RAB18: variants seen among roughly 807,000 people sequenced by gnomAD.
RAB18 encodes the protein ras-related protein Rab-18.
In RAB18, 10 loss-of-function variants were observed where a neutral mutation model predicts 28.5. That is an observed-to-expected ratio of 0.35 (90% CI 0.22 to 0.60). The LOEUF (loss-of-function observed/expected upper bound fraction) is 0.60, where lower values mean the gene tolerates loss of function less well. RAB18 is among the 20% of genes least tolerant of loss of function. RAB18 has a pLI of 0.78. For missense variants in RAB18, 188 were observed against 244.2 expected, an observed-to-expected ratio of 0.77 and a Z score of 1.53; for synonymous variants, 93 against 86.9, an observed-to-expected ratio of 1.07 and a Z score of -0.39.
At chr10:27,526,795 TG>T in intron 2 of RAB18, 32 bp from the exon 3 acceptor site, 1 of 1,612,028 alleles carries the variant, frequency 6.2e-7, no homozygotes, top group Non-Finnish European at 8.5e-7. Flanking sequence ...TCTGTTTTAC[TG>T]GGAGACTTAT....
At position 27,533,935 on chromosome 10, in the gene RAB18, G is replaced by T; in HGVS notation, c.386G>T (p.Arg129Leu). Reference protein sequence around the residue: ...LVGNKIDKENREVDRNEGLKF... With the variant: ...LVGNKIDKENLEVDRNEGLKF... ...ATTGCATTTATATTTTAGGAAAATC[G>T]TGAAGTCGATAGAAATGAAGGCCTG... The change falls in exon 6 of 7, where the codon CGT (arginine) becomes CTT (leucine). Residue 129 changes from arginine to leucine, a missense_variant. Physicochemically the swap from Arg to Leu is moderately radical, Grantham distance 102. Transcript: ENST00000356940. 6.2e-7 allele frequency: 1 copy of T among 1,610,200 alleles called. No homozygotes were observed. The highest frequency in any genetic ancestry group is 8.5e-7 in the Non-Finnish European group (1 of 1,176,580).
rs148754505 is a variant in RAB18 at position 27,521,644 on chromosome 10, C to T, written c.125-5184C>T. 2.1e-3 allele frequency among the ~76,000 whole-genome samples: 323 copies of T among 152,114 alleles called. 4 individuals are homozygous for T. Among genetic ancestry groups the T allele is most frequent in the Non-Finnish European group, 3.5e-3 (240 of 68,008 alleles). On this transcript the variant is annotated intron_variant, in intron 2 of 6. Coordinates refer to ENST00000356940, the MANE Select transcript of RAB18 (RefSeq NM_021252.5). ...TTCTCATTTATAAGTGATAGCTAAG[C>T]TATGAAGACACAAAGGCATAAGAAT...
At chr10:27,516,575 AAGAG>A (rs1834441854) in intron 2 of RAB18, among the ~76,000 whole-genome samples, 1 of 151,910 alleles carries the variant, frequency 6.6e-6, no homozygotes, top group East Asian at 1.9e-4. Flanking sequence ...AAAAAAAAAA[AAGAG>A]AGAAATCTTT....
At chr10:27,520,018 T>G (rs1025328062) in intron 2 of RAB18, among the ~76,000 whole-genome samples, 1 of 152,226 alleles carries the variant, frequency 6.6e-6, no homozygotes, top group African/African-American at 2.4e-5. Flanking sequence ...TTTTGTCAAA[T>G]GCATTTTCTG....
At chr10:27,513,475 T>C (rs977203798) in intron 2 of RAB18, among the ~76,000 whole-genome samples, 17 of 152,216 alleles carry the variant, frequency 1.1e-4, no homozygotes, top group African/African-American at 4.1e-4. Context: ...AGTGAGACAC[T>C]TAAGTTTCTG....
At chr10:27,517,248 A>T (rs979902560) in intron 2 of RAB18, among the ~76,000 whole-genome samples, 2 of 152,162 alleles carry the variant, frequency 1.3e-5, no homozygotes, top group South Asian at 2.1e-4. Context: ...CTGTAGTCCC[A>T]GCCACTCGGG....
At chr10:27,505,752 G>A (rs1198604188) in intron 1 of RAB18, among the ~76,000 whole-genome samples, 1 of 152,056 alleles carries the variant, frequency 6.6e-6, no homozygotes, top group Non-Finnish European at 1.5e-5. Context: ...TAGAGATGGG[G>A]TTTCACCATG....
rs760740482 is a variant in RAB18 at position 27,542,166 on chromosome 10, T to C, written c.*4115T>C. Reference sequence around the variant, plus strand: ...AGCCCTTGGGAACTTCTGGATCAAATTGGACCTGAATTGAGATCTATTTCT... The same window carrying C: ...AGCCCTTGGGAACTTCTGGATCAAACTGGACCTGAATTGAGATCTATTTCT... On this transcript the variant is annotated 3_prime_UTR_variant, in exon 7 of 7. Transcript: ENST00000356940. 6.6e-6 allele frequency: 3 copies of C among 453,992 alleles called. No homozygotes were observed. Among genetic ancestry groups the C allele is most frequent in the South Asian group, 1.6e-5 (1 of 64,486 alleles). The allele number at this position is 453,992 out of a possible 1,614,324, so 28.1% of individuals were successfully genotyped here.
chr10:27,536,099 GCAAT>G (rs1834895274), intron 6 of RAB18, among the ~76,000 whole-genome samples: 1 of 150,978 alleles, frequency 6.6e-6, no homozygotes, highest in Non-Finnish European at 1.5e-5. Flanking sequence ...AAAAAAGAGA[GCAAT>G]CAGAGATAAC....
chr10:27,504,860 G>A (rs1837775374), intron 1 of RAB18: 3 of 466,340 alleles, frequency 6.4e-6, no homozygotes, highest in Admixed American at 5.2e-5. Flanking sequence ...CCCACTTGAG[G>A]GTTTCTGTGG....
chr10:27,537,841 A>C, intron 6 of RAB18, 35 bp from the exon 7 acceptor site: 1 of 1,555,272 alleles, frequency 6.4e-7, no homozygotes, highest in South Asian at 1.1e-5. Flanking sequence ...CCAGAAAGGA[A>C]TATACTATGA....
At chr10:27,530,146 G>A (rs1834757235) in intron 3 of RAB18, among the ~76,000 whole-genome samples, 8 of 152,076 alleles carry the variant, frequency 5.3e-5, no homozygotes, top group Admixed American at 3.9e-4. Context: ...TGCCAGCTCT[G>A]GAAGTTATGG....
At chr10:27,511,845 A>G (rs1353797639) in intron 2 of RAB18, among the ~76,000 whole-genome samples, 1 of 152,204 alleles carries the variant, frequency 6.6e-6, no homozygotes, top group African/African-American at 2.4e-5. Flanking sequence ...AGTGATAAGG[A>G]CAGTATATGA....
At position 27,540,872 on chromosome 10, in the gene RAB18, A is replaced by G. The variant is rs192599115; in HGVS notation, c.*2821A>G. The G allele has an allele frequency of 9.2e-5, 42 of 454,072 alleles. No homozygotes were observed. Among genetic ancestry groups the G allele is most frequent in the African/African-American group, 7.2e-4 (36 of 50,116 alleles). The allele number at this position is 454,072 out of a possible 1,614,324, so 28.1% of individuals were successfully genotyped here. The stretch of plus-strand genomic sequence containing the variant: ...GCATGGTCAAGAGACATGATTCTCT[A>G]CTAAGGGTGGGGCTAGCACCATAGC... On this transcript the variant is annotated 3_prime_UTR_variant, in exon 7 of 7. Transcript: ENST00000356940.
chr10:27,522,348 T>TTGTC (rs1834577757), intron 2 of RAB18, among the ~76,000 whole-genome samples: 1 of 152,196 alleles, frequency 6.6e-6, no homozygotes, highest in South Asian at 2.1e-4. Flanking sequence ...AAAGTCTATT[T>TTGTC]TGTCTGATTT....
chr10:27,527,150 C>T (rs1164256848), intron 3 of RAB18: 1 of 550,452 alleles, frequency 1.8e-6, no homozygotes, highest in East Asian at 4.1e-5. Flanking sequence ...ATCATCTCAT[C>T]TGCCAAAGAG....
In RAB18 at chr10:27,526,827, G is replaced by A. The variant is rs1564834192; in HGVS notation, c.125-1G>A. 3 of 1,613,076 alleles carry A rather than the reference G, an allele frequency of 1.9e-6. No homozygotes were observed. The highest frequency in any genetic ancestry group is 8.5e-7 in the Non-Finnish European group (1 of 1,179,422). ...CTTATCAAAATTTTCATTTCTTTAA[G>A]GTGTTGACTTTAAGGTGAAAACAAT... is the stretch of plus-strand genomic sequence containing the variant. On this transcript the variant is annotated splice_acceptor_variant, in intron 2 of 6. Coordinates refer to ENST00000356940, the MANE Select transcript of RAB18 (RefSeq NM_021252.5). LOFTEE classifies it high-confidence loss of function.
chr10:27,512,915 A>G (rs1834350886), intron 2 of RAB18, among the ~76,000 whole-genome samples: 2 of 151,904 alleles, frequency 1.3e-5, no homozygotes, highest in Non-Finnish European at 2.9e-5. Flanking sequence ...TGGTGAAAAT[A>G]TATGTAATTT....
chr10:27,540,247 A>G lies in RAB18; in HGVS notation c.*2196A>G, dbSNP rs1834994443. 2.2e-6 allele frequency: 1 copy of G among 453,954 alleles called. No individual in the cohort carries two copies. The highest frequency in any genetic ancestry group is 4.4e-6 in the Non-Finnish European group (1 of 226,758). The allele number at this position is 453,954 out of a possible 1,614,324, so 28.1% of individuals were successfully genotyped here. A position where few individuals can be genotyped will look rare whatever the true frequency, so the allele number is the denominator to read the frequency against. The stretch of plus-strand genomic sequence containing the variant: ...TCTCATTAAACCTCACAGCAACCTT[A>G]AGAGATTAGTACTCCTATTATGCCC... On this transcript the variant is annotated 3_prime_UTR_variant, in exon 7 of 7. Coordinates refer to ENST00000356940, the MANE Select transcript of RAB18 (RefSeq NM_021252.5).
Sources: gnomAD v4.1 joint callset for allele counts (sites outside exome capture counted in the v4.1 genomes callset) on GRCh38, gnomAD v4.1.1 for gene constraint, MANE v1.5 for transcripts, NCBI Gene and HGNC (gene_info 2026-07-23, HGNC 2026-07-21) for gene names.